The following CFI variants were observed in gnomAD, a reference collection of about 807,000 sequenced individuals.
CFI encodes C3B/C4B inactivator.
In CFI, 66 loss-of-function variants were observed where a neutral mutation model predicts 78.8. That is an observed-to-expected ratio of 0.84 (90% CI 0.69 to 1.03). The LOEUF is 1.03. Ranked by LOEUF, CFI falls within the 50% of genes least tolerant of loss-of-function variation. The pLI is 0.00. For missense variants in CFI, 706 were observed against 704.5 expected (o/e 1.00, Z -0.02); for synonymous variants, 250 against 232.6 (o/e 1.07, Z -0.68).
chr4:109,751,926 C>A (rs1725191201), intron 8 of CFI, among the ~76,000 whole-genome samples: 1 of 152,164 alleles, frequency 6.6e-6, no homozygotes, highest in African/African-American at 2.4e-5. Flanking sequence ...ATAACTGAGT[C>A]AGAATTTAAC....
rs558247647 is a variant in CFI at position 109,786,223 on chromosome 4, G to A, written c.57+15692C>T. Among the ~76,000 whole-genome samples, 326 of 152,006 alleles carry A rather than the reference G, an allele frequency of 2.1e-3. 10 individuals are homozygous for A. The South Asian group carries it at 0.065, about 30-fold the overall frequency. On this transcript the variant is annotated intron_variant, in intron 1 of 12. Transcript: ENST00000394634. ...TTTTTGTGTTTTTAGTAGAGATGCT[G>A]TTTCACCATAATGGCCAGGCTGGTC...
chr4:109,749,468 A>G, intron 9 of CFI, 31 bp downstream of exon 9: 1 of 1,563,284 alleles, frequency 6.4e-7, no homozygotes, highest in East Asian at 2.2e-5. Flanking sequence ...GTTTCTGGGC[A>G]GTTGCATTGT....
At position 109,746,316 on chromosome 4, in the gene CFI, C is replaced by G. The variant is rs150663120; in HGVS notation, c.1335G>C (p.Glu445Asp). 6.2e-7 allele frequency: 1 copy of G among 1,614,030 alleles called. No homozygotes were observed. ...CACAGGCAGGGATGGAACGAGGCAG[C>G]TCACAATCTTTTTTGTTTCCGTCTT... ...MKKDGNKKDC[E>D]LPRSIPACVP... Residue 445 changes from glutamate to aspartate, a missense_variant, in exon 11 of 13, where the codon GAG becomes GAC. Physicochemically the swap from Glu to Asp is conservative, Grantham distance 45. Transcript: ENST00000394634.
chr4:109,769,151 C>T (rs1230487343), intron 1 of CFI, among the ~76,000 whole-genome samples: 1 of 152,144 alleles, frequency 6.6e-6, no homozygotes, highest in African/African-American at 2.4e-5. Context: ...GAAATCCAAG[C>T]AACTTGATTT....
At chr4:109,757,739 C>G in intron 7 of CFI, 24 bp downstream of exon 7, 1 of 1,383,502 alleles carries the variant, frequency 7.2e-7, no homozygotes, top group Non-Finnish European at 1.0e-6. Flanking sequence ...TTTTAATATC[C>G]CCAAATTTTA....
rs750346105 is a variant in CFI at position 109,783,811 on chromosome 4, T to TAATATATATATATATA, written c.58-16988_58-16987insTATATATATATATATT. Reference sequence around the variant, plus strand: ...ATTCAATGAGTGGATAAAGAAACTGTGATATATATATATATATATATATGA... The same window carrying TAATATATATATATATA: ...ATTCAATGAGTGGATAAAGAAACTGTAATATATATATATATAGATATATATATATATATATATATGA... On this transcript the variant is annotated intron_variant, in intron 1 of 12. Coordinates refer to ENST00000394634, the MANE Select transcript of CFI (RefSeq NM_000204.5). 3.1e-3 allele frequency among the ~76,000 whole-genome samples: 323 copies of TAATATATATATATATA among 105,796 alleles called. 20 individuals are homozygous for TAATATATATATATATA. Among genetic ancestry groups the TAATATATATATATATA allele is most frequent in the African/African-American group, 0.011 (288 of 26,528 alleles). 69.4% of individuals were successfully genotyped at this position (105,796 alleles called of 152,430 possible). A position where few individuals can be genotyped will look rare whatever the true frequency, so the allele number is the denominator to read the frequency against.
At chr4:109,785,212 T>C (rs1489664471) in intron 1 of CFI, among the ~76,000 whole-genome samples, 1 of 152,102 alleles carries the variant, frequency 6.6e-6, no homozygotes, top group Non-Finnish European at 1.5e-5. Flanking sequence ...AAAAGCTTTA[T>C]TGCTCACACA....
chr4:109,755,107 T>TA (rs1725965255), intron 7 of CFI, among the ~76,000 whole-genome samples: 1 of 152,000 alleles, frequency 6.6e-6, no homozygotes, highest in Non-Finnish European at 1.5e-5. Context: ...GAAAGAAATA[T>TA]AAAATTGAGC....
intron 1 of CFI, among the ~76,000 whole-genome samples, chr4:109,790,647 G>A (rs1731263031): frequency 6.6e-6 from 1 of 152,022 alleles, no homozygotes; most frequent in Non-Finnish European, 1.5e-5. Flanking sequence ...GTGTCTATGT[G>A]TTCTCATAAT....
rs190828424 is a variant in CFI, at chr4:109,769,778, C to T, written c.58-2954G>A. Among the ~76,000 whole-genome samples, 37 of 152,232 alleles carry T rather than the reference C, an allele frequency of 2.4e-4. 1 individual carries two copies. The East Asian group carries it at 7.1e-3, about 29-fold the overall frequency. On this transcript the variant is annotated intron_variant, in intron 1 of 12. Coordinates refer to ENST00000394634, the MANE Select transcript of CFI (RefSeq NM_000204.5). ...GCCTCTTGGGCAGGAGTCCTGTTTC[C>T]CTCCTGAGGACCCACACCTGTCTGT...
chr4:109,734,229 A>G, the CFI span, among the ~76,000 whole-genome samples: 3 of 152,182 alleles, frequency 2.0e-5, no homozygotes, highest in Non-Finnish European at 2.9e-5. Context: ...AAGTGAGTGT[A>G]CACAAAGAAG....
chr4:109,779,110 A>G (rs1482339231), intron 1 of CFI, among the ~76,000 whole-genome samples: 3 of 152,192 alleles, frequency 2.0e-5, no homozygotes, highest in African/African-American at 7.2e-5. Flanking sequence ...CCTATTCAAC[A>G]TAGTGTTGGA....
chr4:109,748,443 G>C (rs1724743392), intron 10 of CFI, among the ~76,000 whole-genome samples: 2 of 152,180 alleles, frequency 1.3e-5, no homozygotes, highest in Non-Finnish European at 2.9e-5. Context: ...ACCATGAAAA[G>C]TGAGAGGAAT....
chr4:109,779,169 A>G (rs11940869), intron 1 of CFI, among the ~76,000 whole-genome samples: 71,824 of 152,080 alleles, frequency 0.47, 19,780 homozygotes, highest in Non-Finnish European at 0.62. Flanking sequence ...AGGGTATTCA[A>G]TTAGGAAAAG....
intron 7 of CFI, among the ~76,000 whole-genome samples, chr4:109,756,317 G>GA (rs75501128): frequency 1 from 149,885 of 150,148 alleles, 74,812 homozygotes; most frequent in Middle Eastern, 1. Context: ...GGAAGGAAAA[G>GA]AGGAGGGAGG....
rs1416168710 is a variant in CFI at position 109,766,750 on chromosome 4, A to G, written c.132T>C (p.Asp44=). The change falls in exon 2 of 13, where the codon GAT becomes GAC. Residue 44 remains aspartate, a synonymous_variant. Coordinates refer to ENST00000394634, the MANE Select transcript of CFI (RefSeq NM_000204.5). ...LAKKYTHLSC[D]KVFCQPWQRC... Reference sequence around the variant, plus strand: ...TCTGCCATGGCTGGCAGAAGACTTTATCGCAGGAGAGGTGAGTATATTTTT... The same window carrying G: ...TCTGCCATGGCTGGCAGAAGACTTTGTCGCAGGAGAGGTGAGTATATTTTT... 1.2e-6 allele frequency: 2 copies of G among 1,614,216 alleles called. No homozygotes were observed. Among genetic ancestry groups the G allele is most frequent in the Non-Finnish European group, 1.7e-6 (2 of 1,180,018 alleles).
chr4:109,774,585 G>C (rs1289553970), intron 1 of CFI, among the ~76,000 whole-genome samples: 1 of 152,172 alleles, frequency 6.6e-6, no homozygotes, highest in Non-Finnish European at 1.5e-5. Flanking sequence ...GTGGGTGACA[G>C]ATCTTGTAGG....
intron 10 of CFI, among the ~76,000 whole-genome samples, chr4:109,746,761 C>T (rs1561286292): frequency 6.6e-6 from 1 of 152,042 alleles, no homozygotes; most frequent in Admixed American, 6.6e-5. Context: ...CTAGAGATGC[C>T]CAAAAGTGGA....
At chr4:109,766,506 A>G in intron 2 of CFI, 48 bp downstream of exon 2, 1 of 1,601,232 alleles carries the variant, frequency 6.2e-7, no homozygotes. Flanking sequence ...ATGGCATACA[A>G]ATACCCTTTT....
Sources: gnomAD v4.1 joint callset for allele counts (sites outside exome capture counted in the v4.1 genomes callset) on GRCh38, gnomAD v4.1.1 for gene constraint, MANE v1.5 for transcripts, NCBI Gene and HGNC (gene_info 2026-07-23, HGNC 2026-07-21) for gene names.